Variants in MKLN1 observed in about 807,000 individuals in gnomAD.
The protein encoded by MKLN1 is muskelin 1.
In MKLN1, 18 loss-of-function variants were observed where a neutral mutation model predicts 99.0. That is an observed-to-expected ratio of 0.18 (90% confidence interval 0.13 to 0.27). The LOEUF (loss-of-function observed/expected upper bound fraction) is 0.27. Ranked by LOEUF, MKLN1 falls within the 10% of genes least tolerant of loss-of-function variation. MKLN1 has a pLI of 1.00. For synonymous variants in MKLN1, 288 were observed against 293.2 expected (o/e 0.98, Z 0.18); for missense variants, 621 against 875.9 (o/e 0.71, Z 3.67).
intron 3 of MKLN1, among the ~76,000 whole-genome samples, chr7:131,315,107 A>G (rs1201601706): frequency 6.6e-6 from 1 of 152,060 alleles, no homozygotes; most frequent in Non-Finnish European, 1.5e-5. Context: ...TGGAGTTCTT[A>G]AACACTTTTC....
intron 2 of MKLN1, among the ~76,000 whole-genome samples, chr7:131,177,556 T>A (rs1796317927): frequency 6.6e-6 from 1 of 152,140 alleles, no homozygotes; most frequent in Non-Finnish European, 1.5e-5. Flanking sequence ...CATACACTCT[T>A]ATATATGTGT....
At chr7:131,470,348 A>G (rs1393711181) in intron 15 of MKLN1, among the ~76,000 whole-genome samples, 1 of 152,262 alleles carries the variant, frequency 6.6e-6, no homozygotes, top group Non-Finnish European at 1.5e-5. Flanking sequence ...TCTCATTAAA[A>G]GTAATCAGTG....
At chr7:131,327,750 A>C (rs1232138321), upstream of MKLN1, 17 of 1,376,378 alleles carry the variant, frequency 1.2e-5, no homozygotes, top group Non-Finnish European at 1.6e-5. Flanking sequence ...GAGATAGGAC[A>C]TTGGCCCGGC....
At chr7:131,134,689 C>G (rs1472465587) in intron 1 of MKLN1, among the ~76,000 whole-genome samples, 1 of 152,182 alleles carries the variant, frequency 6.6e-6, no homozygotes, top group African/African-American at 2.4e-5. Flanking sequence ...TTAAATCCCC[C>G]TTGGACTTGT....
intron 2 of MKLN1, among the ~76,000 whole-genome samples, chr7:131,380,048 A>G (rs926541622): frequency 1.1e-4 from 7 of 63,384 alleles, no homozygotes; most frequent in Non-Finnish European, 1.5e-4. Context: ...GTAGGGTGGT[A>G]GACTCCTCTT....
At chr7:131,144,902 G>A (rs7794075) in intron 2 of MKLN1, among the ~76,000 whole-genome samples, 71,093 of 151,860 alleles carry the variant, frequency 0.47, 17,902 homozygotes, top group Non-Finnish European at 0.57. Flanking sequence ...GCTTGAACCC[G>A]GTAGGCAGAA....
In MKLN1 at chr7:131,410,421, G is replaced by A. The variant is rs1942270976; in HGVS notation, c.704-885G>A. Among the ~76,000 whole-genome samples the A allele has an allele frequency of 2.0e-5, 3 of 152,184 alleles. No homozygotes were observed. The South Asian group carries it at 6.2e-4, about 32-fold the overall frequency. ...GAGACAGCATAAATTCTAACATTTG[G>A]TAAGTGTTCCATAAGTATAGTTTTA... On this transcript the variant is annotated intron_variant, in intron 6 of 17. Coordinates refer to ENST00000352689, the MANE Select transcript of MKLN1 (RefSeq NM_013255.5).
At chr7:131,144,996 CACAACAACAACA>C (rs750299622) in intron 2 of MKLN1, among the ~76,000 whole-genome samples, 7 of 151,732 alleles carry the variant, frequency 4.6e-5, no homozygotes, top group African/African-American at 1.4e-4. Context: ...CAACAACAAC[CACAACAACAACA>C]ACAACAACAA....
chr7:131,308,743 G>A (rs758182427), intron 3 of MKLN1, among the ~76,000 whole-genome samples: 14 of 152,056 alleles, frequency 9.2e-5, no homozygotes, highest in South Asian at 2.1e-4. Flanking sequence ...GTGCCACCAC[G>A]CCTGGCTAAT....
intron 12 of MKLN1, among the ~76,000 whole-genome samples, chr7:131,452,730 T>C (rs1295159019): frequency 6.6e-6 from 1 of 152,074 alleles, no homozygotes; most frequent in East Asian, 1.9e-4. Context: ...TTTGTACTTT[T>C]AATAGAGACG....
intron 3 of MKLN1, chr7:131,309,605 G>A (rs4443603): frequency 0.45 from 67,827 of 151,490 alleles, 16,669 homozygotes; most frequent in Admixed American, 0.59. Flanking sequence ...TAGAGACAGG[G>A]TTTCGCCACA....
intron 1 of MKLN1, among the ~76,000 whole-genome samples, chr7:131,117,065 T>C (rs1308947864): frequency 2.0e-5 from 3 of 152,094 alleles, no homozygotes; most frequent in Non-Finnish European, 2.9e-5. Context: ...GGACCTTTTC[T>C]AGGACTGAAG....
At chr7:131,132,699 G>A (rs1451843825) in intron 1 of MKLN1, among the ~76,000 whole-genome samples, 2 of 152,046 alleles carry the variant, frequency 1.3e-5, no homozygotes, top group East Asian at 3.9e-4. Flanking sequence ...CGAGGCCGGT[G>A]GATCACAAGG....
chr7:131,440,574 C>T (rs1294218433), intron 10 of MKLN1, among the ~76,000 whole-genome samples: 2 of 152,032 alleles, frequency 1.3e-5, no homozygotes, highest in South Asian at 4.2e-4. Flanking sequence ...AGTTATATCC[C>T]AGTACATTAC....
In MKLN1 at chr7:131,205,642, C is replaced by T. The variant is rs1024346931; in HGVS notation, c.-179+2668C>T. On this transcript the variant is annotated intron_variant, in intron 3 of 7. Transcript: ENST00000416992. ...CAGGCTAGACTCTTACGTGGGGGCT[C>T]GGGGGAAGACTCTGCTTCCAAGCCC... 2.5e-4 allele frequency among the ~76,000 whole-genome samples: 38 copies of T among 152,008 alleles called. 1 individual carries two copies. Among genetic ancestry groups the T allele is most frequent in the Admixed American group, 2.5e-3 (38 of 15,264 alleles).
At chr7:131,156,310 G>C (rs867025792) in intron 2 of MKLN1, among the ~76,000 whole-genome samples, 1 of 151,808 alleles carries the variant, frequency 6.6e-6, no homozygotes, top group East Asian at 1.9e-4. Context: ...GGTGGATCAC[G>C]AGGTCAGGAG....
chr7:131,462,564 T>C (rs1379321112), intron 12 of MKLN1, among the ~76,000 whole-genome samples: 2 of 152,196 alleles, frequency 1.3e-5, no homozygotes, highest in African/African-American at 4.8e-5. Flanking sequence ...TGCATACCTC[T>C]TTCTGCTTCT....
intron 2 of MKLN1, among the ~76,000 whole-genome samples, chr7:131,168,699 T>A (rs1037906776): frequency 3.2e-5 from 4 of 126,414 alleles, no homozygotes; most frequent in Admixed American, 3.1e-4. Flanking sequence ...TTATGTATAT[T>A]TTCTTTATGT....
intron 11 of MKLN1, 50 bp downstream of exon 11, chr7:131,443,752 A>G: frequency 3.1e-6 from 4 of 1,302,946 alleles, no homozygotes; most frequent in Non-Finnish European, 4.5e-6. Context: ...ATGTATATCT[A>G]GATAGGAAAA....
Sources: gnomAD v4.1 joint callset for allele counts (sites outside exome capture counted in the v4.1 genomes callset) on GRCh38, gnomAD v4.1.1 for gene constraint, MANE v1.5 for transcripts, NCBI Gene and HGNC (gene_info 2026-07-23, HGNC 2026-07-21) for gene names.